ATXN7: variants seen among roughly 807,000 people sequenced by gnomAD.
The protein encoded by ATXN7 is ataxin-7.
ATXN7 carries 12 observed loss-of-function variants against 70.5 expected under a neutral mutation model. The ratio of observed to expected loss-of-function variants is 0.17; its 90% CI spans 0.11 to 0.28. ATXN7 has a LOEUF of 0.28. Ranked by LOEUF, ATXN7 falls within the 10% of genes least tolerant of loss-of-function variation. The pLI, the probability that ATXN7 is intolerant of heterozygous loss-of-function variation, is 1.00. For missense variants in ATXN7, 1,256 were observed against 1,131.7 expected (o/e 1.11, Z -1.58); for synonymous variants, 498 against 448.7 (o/e 1.11, Z -1.39).
intron 8 of ATXN7, among the ~76,000 whole-genome samples, chr3:63,986,428 C>G (rs1412276088): frequency 6.6e-6 from 1 of 152,154 alleles, no homozygotes; most frequent in Non-Finnish European, 1.5e-5. Context: ...CTTCATTTGG[C>G]TGTACTGTGC....
At chr3:63,863,797 C>CGCGGCG (rs546741642), upstream of ATXN7, 49,352 of 1,245,050 alleles carry the variant, frequency 0.04, 821 homozygotes, top group Admixed American at 0.061. Flanking sequence ...CCATGGCGTG[C>CGCGGCG]GCGGCGGCGG....
chr3:63,981,079 T>C (rs1004956125), intron 6 of ATXN7, among the ~76,000 whole-genome samples: 4 of 152,194 alleles, frequency 2.6e-5, no homozygotes, highest in Non-Finnish European at 5.9e-5. Context: ...TTGGAGGGTA[T>C]AGCACACATC....
chr3:63,961,847 C>G (rs146738563), intron 5 of ATXN7, among the ~76,000 whole-genome samples: 280 of 152,210 alleles, frequency 1.8e-3, no homozygotes, highest in Middle Eastern at 6.8e-3. Context: ...CATGCTTCAG[C>G]TTTAATGGAG....
intron 8 of ATXN7, among the ~76,000 whole-genome samples, chr3:63,984,238 C>G (rs971996514): frequency 6.6e-6 from 1 of 151,692 alleles, no homozygotes; most frequent in African/African-American, 2.4e-5. Context: ...GTCCATCTTC[C>G]GAGAATAAAA....
In ATXN7 at chr3:63,912,684, G is replaced by GGCAGCAGCAGCAGCGGCAGCA; in HGVS notation, c.100_101insGGCAGCAGCAGCAGCAGCAGC (p.Gln33_Gln34insArgGlnGlnGlnGlnGlnGln). 9.2e-7 allele frequency: 1 copy of GGCAGCAGCAGCAGCGGCAGCA among 1,086,972 alleles called. No homozygotes were observed. The highest frequency in any genetic ancestry group is 1.1e-6 in the Non-Finnish European group (1 of 892,728). The allele number at this position is 1,086,972 out of a possible 1,614,324, so 67.3% of individuals were successfully genotyped here. On this transcript the variant is annotated inframe_insertion, in exon 3 of 13. Coordinates refer to ENST00000674280, the MANE Select transcript of ATXN7 (RefSeq NM_001377405.1). ...GGCGGAGCAGCGGCCGCGGCCGCCC[G>GGCAGCAGCAGCAGCGGCAGCA]GCAGCAGCAGCAGCAGCAGCAGCAG...
intron 4 of ATXN7, among the ~76,000 whole-genome samples, 179 bp downstream of exon 4, chr3:63,913,404 C>T (rs972672824): frequency 1.3e-5 from 2 of 152,118 alleles, no homozygotes; most frequent in Admixed American, 6.5e-5. Context: ...TTGGGGGCCT[C>T]CTGTAATGAG....
chr3:63,950,390 G>A (rs1448307346), intron 4 of ATXN7, among the ~76,000 whole-genome samples: 1 of 152,092 alleles, frequency 6.6e-6, no homozygotes, highest in Non-Finnish European at 1.5e-5. Flanking sequence ...GAGACCACCA[G>A]CAGCACATTG....
At chr3:63,920,461 A>G (rs1704465854) in intron 4 of ATXN7, among the ~76,000 whole-genome samples, 1 of 152,208 alleles carries the variant, frequency 6.6e-6, no homozygotes, top group South Asian at 2.1e-4. Context: ...CACAGCTCAC[A>G]TGCTTAACCA....
chr3:63,873,533 T>G (rs912447831), intron 1 of ATXN7, among the ~76,000 whole-genome samples: 1 of 152,204 alleles, frequency 6.6e-6, no homozygotes, highest in Admixed American at 6.5e-5. Flanking sequence ...GGAGTTGTCA[T>G]TCCCCAGAAG....
At chr3:63,913,055 A>C in intron 3 of ATXN7, 102 bp from the exon 4 acceptor site, 1 of 1,438,148 alleles carries the variant, frequency 7.0e-7, no homozygotes, top group Non-Finnish European at 9.7e-7. Flanking sequence ...GGGTTGCGGA[A>C]CGCGGAGGTG....
chr3:63,864,739 C>G (rs1208054577), intron 1 of ATXN7: 1 of 152,172 alleles, frequency 6.6e-6, no homozygotes, highest in African/African-American at 2.4e-5. Context: ...GTGACTGTCC[C>G]TATCTTAAGG....
intron 3 of ATXN7, 45 bp from the exon 4 acceptor site, chr3:63,913,112 C>T: frequency 6.3e-7 from 1 of 1,591,848 alleles, no homozygotes; most frequent in Non-Finnish European, 8.6e-7. Context: ...CACTCCTGGC[C>T]ACTGACCTGC....
chr3:63,931,228 C>T (rs187871256), intron 4 of ATXN7, among the ~76,000 whole-genome samples: 2 of 152,280 alleles, frequency 1.3e-5, no homozygotes, highest in Non-Finnish European at 2.9e-5. Context: ...CGTGAGCCAC[C>T]ACATCCAGCC....
intron 10 of ATXN7, 47 bp from the exon 11 acceptor site, chr3:63,990,691 T>C (rs758062695): frequency 6.2e-7 from 1 of 1,613,692 alleles, no homozygotes; most frequent in Non-Finnish European, 8.5e-7. Flanking sequence ...TGACTGGGCA[T>C]GCCAGTGTGG....
At chr3:63,948,697 G>A (rs578059196) in intron 4 of ATXN7, among the ~76,000 whole-genome samples, 1 of 152,310 alleles carries the variant, frequency 6.6e-6, no homozygotes, top group Non-Finnish European at 1.5e-5. Flanking sequence ...TGTGACTGAA[G>A]TTTCCATATA....
At chr3:63,879,254 G>A (rs1481476635) in intron 1 of ATXN7, among the ~76,000 whole-genome samples, 1 of 152,128 alleles carries the variant, frequency 6.6e-6, no homozygotes, top group Non-Finnish European at 1.5e-5. Context: ...GAGAGAATCT[G>A]AACAGTTCTC....
chr3:63,879,528 C>T (rs538597211), intron 1 of ATXN7, among the ~76,000 whole-genome samples: 1 of 149,970 alleles, frequency 6.7e-6, no homozygotes, highest in South Asian at 2.1e-4. Flanking sequence ...TGCTCTGTCA[C>T]CCAGGCTAAA....
At chr3:63,871,374 TAAAA>T (rs1407720643) in intron 1 of ATXN7, among the ~76,000 whole-genome samples, 3 of 152,106 alleles carry the variant, frequency 2.0e-5, no homozygotes, top group African/African-American at 4.8e-5. Context: ...TCCTTCTTGT[TAAAA>T]AAAGTAAATT....
chr3:63,975,507 C>T (rs2075376152), intron 5 of ATXN7, among the ~76,000 whole-genome samples: 1 of 152,168 alleles, frequency 6.6e-6, no homozygotes, highest in African/African-American at 2.4e-5. Flanking sequence ...TTTGGAGTTA[C>T]ATTTTGTTTT....
Sources: gnomAD v4.1 joint callset for allele counts (sites outside exome capture counted in the v4.1 genomes callset) on GRCh38, gnomAD v4.1.1 for gene constraint, MANE v1.5 for transcripts, NCBI Gene and HGNC (gene_info 2026-07-23, HGNC 2026-07-21) for gene names.